Variants in ZCCHC8 observed in about 807,000 individuals in gnomAD.
ZCCHC8 encodes zinc finger CCHC-type containing 8.
A neutral mutation model predicts 70.6 loss-of-function variants in ZCCHC8; 27 were observed. The observed-to-expected ratio is 0.38, with a 90% CI of 0.28 to 0.53. The LOEUF (loss-of-function observed/expected upper bound fraction) is 0.53, where lower values mean the gene tolerates loss of function less well. Ranked by LOEUF, ZCCHC8 falls within the 20% of genes least tolerant of loss-of-function variation. ZCCHC8 has a pLI of 0.81. For missense variants in ZCCHC8, 737 were observed against 876.9 expected, an observed-to-expected ratio of 0.84 and a Z score of 2.01; for synonymous variants, 293 against 317.4, an observed-to-expected ratio of 0.92 and a Z score of 0.82.
At chr12:122,497,164 A>AG (rs1292409362) in intron 2 of ZCCHC8, among the ~76,000 whole-genome samples, 1 of 152,068 alleles carries the variant, frequency 6.6e-6, no homozygotes, top group East Asian at 1.9e-4. Context: ...AAAAAAAAAA[A>AG]ATCTGAAATA....
rs765306161 is a variant in ZCCHC8 at position 122,483,416 on chromosome 12, A to G, written c.605+44T>C. 11 of 1,569,912 alleles carry G rather than the reference A, an allele frequency of 7.0e-6. No homozygotes were observed. The highest frequency in any genetic ancestry group is 1.4e-5 in the African/African-American group (1 of 74,060). On this transcript the variant is annotated intron_variant, in intron 6 of 13. Transcript: ENST00000633063. This position sits in a 1 kb window ranked among gnomAD's most constrained non-coding sequence, Gnocchi z 4.4. ...TGGAAATTGTTTTAAAGGTGAACTT[A>G]GTGGCAAGATGCATAAAAGATCTTC...
At chr12:122,489,216 T>G (rs1957701068) in intron 5 of ZCCHC8, among the ~76,000 whole-genome samples, 170 bp downstream of exon 5, 1 of 152,256 alleles carries the variant, frequency 6.6e-6, no homozygotes, top group South Asian at 2.1e-4. Flanking sequence ...ACGCAATCAT[T>G]ATTAAACAGC....
Position 122,500,375 on chromosome 12 carries a change from C to A in ZCCHC8, c.199+267G>T. 2.0e-6 allele frequency: 1 copy of A among 506,370 alleles called. No individual in the cohort carries two copies. 31.4% of individuals were successfully genotyped at this position (506,370 alleles called of 1,614,324 possible). A position where few individuals can be genotyped will look rare whatever the true frequency, so the allele number is the denominator to read the frequency against. On this transcript the variant is annotated intron_variant, in intron 1 of 13. Coordinates refer to ENST00000633063, the MANE Select transcript of ZCCHC8 (RefSeq NM_017612.5). This position sits in a 1 kb window ranked among gnomAD's most constrained non-coding sequence, Gnocchi z 4.8. ...GTCAGGTGAGCAGCCTAAAATAACC[C>A]TAAACACGGCACCCGGGTGGGAGGC... is the stretch of plus-strand genomic sequence containing the variant.
At chr12:122,475,927 C>T (rs1334304386) in intron 13 of ZCCHC8, among the ~76,000 whole-genome samples, 1 of 152,228 alleles carries the variant, frequency 6.6e-6, no homozygotes, top group Non-Finnish European at 1.5e-5. Context: ...TTTCACTATC[C>T]TGCATCTGCA....
intron 11 of ZCCHC8, among the ~76,000 whole-genome samples, chr12:122,479,571 T>G (rs12312757): frequency 6.6e-6 from 1 of 152,088 alleles, no homozygotes; most frequent in African/African-American, 2.4e-5. Flanking sequence ...AGATAGAAAC[T>G]TATTTCCCAA....
intron 2 of ZCCHC8, among the ~76,000 whole-genome samples, chr12:122,493,438 T>G (rs1280219316): frequency 1.3e-5 from 2 of 152,188 alleles, no homozygotes; most frequent in Non-Finnish European, 2.9e-5. Flanking sequence ...CCTCTTTTTT[T>G]GGGATGGAGT....
In ZCCHC8 at chr12:122,478,275, A is replaced by G; in HGVS notation, c.1158T>C (p.Gly386=). The G allele has an allele frequency of 1.9e-6, 3 of 1,597,092 alleles. No individual in the cohort carries two copies. The highest frequency in any genetic ancestry group is 2.6e-6 in the Non-Finnish European group (3 of 1,171,666). Residue 386 remains glycine (G), a synonymous_variant, in exon 12 of 14, where the codon GGT becomes GGC. Transcript: ENST00000633063. Reference sequence around the variant, plus strand: ...GCTGACATGCCTGCATTGGTATGGAACCAAAGATCCTCCATTCCTAATGAT... The same window carrying G: ...GCTGACATGCCTGCATTGGTATGGAGCCAAAGATCCTCCATTCCTAATGAT... The part of the protein sequence containing the change: ...RGIPDEWRIF[G]SIPMQACQQK...
chr12:122,476,185 A>G (rs1261237999), intron 13 of ZCCHC8, among the ~76,000 whole-genome samples: 2 of 152,244 alleles, frequency 1.3e-5, no homozygotes, highest in East Asian at 3.8e-4. Context: ...CCGAGGTGAC[A>G]GAGAGTGGTA....
chr12:122,486,562 C>T (rs1957644842), intron 5 of ZCCHC8, among the ~76,000 whole-genome samples: 1 of 151,994 alleles, frequency 6.6e-6, no homozygotes, highest in Admixed American at 6.6e-5. Context: ...GTGCTCCAGA[C>T]TCCAAGGGCC....
In ZCCHC8 at chr12:122,490,481, G is replaced by C; in HGVS notation, c.404C>G (p.Ser135Cys). The C allele has an allele frequency of 1.9e-6, 3 of 1,612,270 alleles. No homozygotes were observed. The highest frequency in any genetic ancestry group is 2.5e-6 in the Non-Finnish European group (3 of 1,178,878). Residue 135 changes from serine (S) to cysteine (C), a missense_variant, in exon 4 of 14, where the codon TCC becomes TGC. Ser to Cys is a moderately radical substitution (Grantham distance 112). Coordinates refer to ENST00000633063, the MANE Select transcript of ZCCHC8 (RefSeq NM_017612.5). ...AAATACCTGGGGCAAAAGATTAAAG[G>C]AAGTCTTTTCCACATCATTTTTCTG... ...EQQKNDVEKT[S>C]FNLLPQPSSI... is the part of the protein sequence containing the mutation.
At position 122,474,196 on chromosome 12, in the gene ZCCHC8, G is replaced by T. The variant is rs1040911718; in HGVS notation, c.1425C>A (p.Leu475=). Residue 475 remains leucine (L), a synonymous_variant, in exon 14 of 14, where the codon CTC becomes CTA. Coordinates refer to ENST00000633063, the MANE Select transcript of ZCCHC8 (RefSeq NM_017612.5). ...AGACGGGTGGAGGAGTTCCCCGGGG[G>T]AGTGGAGGAGTGTCAGGAGGTAATG... ...QPPLPPDTPP[L]PRGTPPPVFT... The T allele has an allele frequency of 7.3e-6, 11 of 1,511,644 alleles. No homozygotes were observed. The highest frequency in any genetic ancestry group is 4.7e-5 in the East Asian group (2 of 42,592). The allele number at this position is 1,511,644 out of a possible 1,614,324, so 93.6% of individuals were successfully genotyped here. A position where few individuals can be genotyped will look rare whatever the true frequency, so the allele number is the denominator to read the frequency against.
At chr12:122,499,271 T>A (rs955245097) in intron 1 of ZCCHC8, 11 of 155,002 alleles carry the variant, frequency 7.1e-5, no homozygotes, top group South Asian at 1.6e-4. Flanking sequence ...CCTTTCAACT[T>A]TTTTTTTTTT....
chr12:122,474,305 G>A, intron 13 of ZCCHC8, 30 bp from the exon 14 acceptor site: 1 of 1,359,536 alleles, frequency 7.4e-7, no homozygotes, highest in Non-Finnish European at 9.5e-7. Context: ...AGATACTTTA[G>A]AACTTATAAT....
intron 12 of ZCCHC8, 75 bp downstream of exon 12, chr12:122,478,131 G>T: frequency 1.5e-6 from 2 of 1,363,454 alleles, no homozygotes; most frequent in Non-Finnish European, 2.1e-6. Context: ...AGAAAAGGCT[G>T]TAAGACGCTA....
chr12:122,498,283 C>T (rs1284190954), intron 2 of ZCCHC8, among the ~76,000 whole-genome samples: 1 of 151,728 alleles, frequency 6.6e-6, no homozygotes, highest in Non-Finnish European at 1.5e-5. Flanking sequence ...TACAGGCGCC[C>T]ACCACGTCCA....
rs59816817 is a variant in ZCCHC8, at chr12:122,484,414, A to ATT, written c.502-853_502-852dup. On this transcript the variant is annotated intron_variant, in intron 5 of 13. Transcript: ENST00000633063. ...CACCTGGCCTCACATATACTCTTTA[A>ATT]TTTTTTTTTTTTTTTTGAGGCAGGG... Among the ~76,000 whole-genome samples, 116 of 138,802 alleles carry ATT rather than the reference A, an allele frequency of 8.4e-4. 1 individual carries two copies. The South Asian group carries it at 0.013, about 16-fold the overall frequency. The allele number at this position is 138,802 out of a possible 152,430, so 91.1% of individuals were successfully genotyped here.
At chr12:122,492,347 A>G (rs1312210552) in intron 3 of ZCCHC8, 1 of 175,306 alleles carries the variant, frequency 5.7e-6, no homozygotes, top group Admixed American at 6.3e-5. Flanking sequence ...GGTGAACATC[A>G]TTGTTATTGT....
intron 2 of ZCCHC8, 83 bp from the exon 3 acceptor site, chr12:122,492,872 T>G: frequency 1.1e-6 from 1 of 930,810 alleles, no homozygotes; most frequent in Non-Finnish European, 1.6e-6. Flanking sequence ...ACTTTTATAC[T>G]TTTTTTTTCC....
intron 4 of ZCCHC8, 72 bp from the exon 5 acceptor site, chr12:122,489,535 T>A (rs1957707967): frequency 7.4e-7 from 1 of 1,346,462 alleles, no homozygotes; most frequent in Admixed American, 1.9e-5. Flanking sequence ...GTTAGTAAGT[T>A]TAGAAATTAA....
Sources: gnomAD v4.1 joint callset for allele counts (sites outside exome capture counted in the v4.1 genomes callset) on GRCh38, gnomAD v4.1.1 for gene constraint, Gnocchi (gnomAD v3.1) non-coding constraint, MANE v1.5 for transcripts, NCBI Gene and HGNC (gene_info 2026-07-23, HGNC 2026-07-21) for gene names.